PCLO: variants seen among roughly 807,000 people sequenced by gnomAD.
The protein encoded by PCLO is piccolo presynaptic cytomatrix protein.
Under a neutral mutation model 427.5 loss-of-function variants are expected in PCLO, and 82 were observed. That is an observed-to-expected ratio of 0.19 (90% CI 0.16 to 0.23). PCLO has a LOEUF of 0.23. PCLO is among the 10% of genes least tolerant of loss of function. The probability of loss-of-function intolerance (pLI) is 1.00; values close to 1 mark genes in which losing one functional copy is unlikely to be tolerated. For missense variants in PCLO, 6,239 were observed against 6,115.9 expected, an observed-to-expected ratio of 1.02 and a Z score of -0.67; for synonymous variants, 2,357 against 2,155.4, an observed-to-expected ratio of 1.09 and a Z score of -2.59.
chr7:83,018,313 T>G (rs12671387), intron 3 of PCLO, among the ~76,000 whole-genome samples: 50,126 of 151,740 alleles, frequency 0.33, 9,655 homozygotes, highest in East Asian at 0.78. Flanking sequence ...ACATACAGAA[T>G]GTCAGAATAA....
chr7:83,053,233 C>A (rs1234985156), intron 3 of PCLO, among the ~76,000 whole-genome samples: 13 of 151,848 alleles, frequency 8.6e-5, no homozygotes, highest in Non-Finnish European at 1.9e-4. Flanking sequence ...TATTTGATAC[C>A]CAGATTAGGC....
intron 6 of PCLO, among the ~76,000 whole-genome samples, chr7:82,931,235 T>C (rs1055257342): frequency 1.3e-5 from 2 of 152,148 alleles, no homozygotes; most frequent in African/African-American, 4.8e-5. Flanking sequence ...ATTAAGTAAC[T>C]TCAAGTTTGC....
At position 82,755,247 on chromosome 7, in the gene PCLO, G is replaced by C. The variant is rs552211193; in HGVS notation, c.*3328C>G. The C allele has an allele frequency of 6.6e-6, 1 of 151,884 alleles. No individual in the cohort carries two copies. The highest frequency in any genetic ancestry group is 1.5e-5 in the Non-Finnish European group (1 of 67,950). The allele number at this position is 151,884 out of a possible 1,614,324, so 9.4% of individuals were successfully genotyped here. A position where few individuals can be genotyped will look rare whatever the true frequency, so the allele number is the denominator to read the frequency against. On this transcript the variant is annotated 3_prime_UTR_variant, in exon 25 of 25. Coordinates refer to ENST00000333891, the MANE Select transcript of PCLO (RefSeq NM_033026.6). ...TTCCACTGGTATGCTGAAAATATGC[G>C]TTTAATTAGTGTAATTTATTAAAAT...
intron 6 of PCLO, among the ~76,000 whole-genome samples, chr7:82,930,840 G>A (rs181142278): frequency 1.8e-3 from 268 of 152,220 alleles, no homozygotes; most frequent in African/African-American, 6.3e-3. Context: ...GGTCTAGAAA[G>A]GTAGGAAGGT....
chr7:83,122,825 G>A (rs774613420), intron 3 of PCLO, among the ~76,000 whole-genome samples: 154 of 152,098 alleles, frequency 1.0e-3, no homozygotes, highest in Non-Finnish European at 1.7e-3. Context: ...AAAACCAGTA[G>A]CATTTCTATA....
At chr7:82,828,042 T>C (rs1356145959) in intron 16 of PCLO, 76 bp from the exon 17 acceptor site, 1 of 756,230 alleles carries the variant, frequency 1.3e-6, no homozygotes, top group African/African-American at 1.8e-5. Flanking sequence ...CTAAAGGACA[T>C]GCAGACTATT....
At chr7:83,074,552 C>A (rs1239105804) in intron 3 of PCLO, among the ~76,000 whole-genome samples, 2 of 152,042 alleles carry the variant, frequency 1.3e-5, no homozygotes, top group African/African-American at 2.4e-5. Flanking sequence ...CCACACCAGC[C>A]ATTAAAATCT....
intron 3 of PCLO, among the ~76,000 whole-genome samples, chr7:83,034,479 C>G (rs759859866): frequency 6.6e-6 from 1 of 152,132 alleles, no homozygotes; most frequent in Non-Finnish European, 1.5e-5. Context: ...AAAGCCATCA[C>G]GCCTGGTCCC....
intron 6 of PCLO, among the ~76,000 whole-genome samples, chr7:82,918,063 T>C (rs1041769425): frequency 6.6e-6 from 1 of 152,028 alleles, no homozygotes; most frequent in Non-Finnish European, 1.5e-5. Context: ...TAAAGGTTTA[T>C]TGAAGTTTAT....
At chr7:82,805,148 G>A (rs1328170588) in intron 21 of PCLO, among the ~76,000 whole-genome samples, 2 of 151,664 alleles carry the variant, frequency 1.3e-5, no homozygotes, top group Non-Finnish European at 2.9e-5. Context: ...ACCTACTCAG[G>A]GACCTATGCA....
chr7:83,076,488 C>G (rs543716053), intron 3 of PCLO, among the ~76,000 whole-genome samples: 4 of 152,234 alleles, frequency 2.6e-5, no homozygotes, highest in African/African-American at 9.6e-5. Flanking sequence ...GTCTTGAACT[C>G]CTGACCTCAG....
In PCLO at chr7:82,954,904, A is replaced by T. The variant is rs762274402; in HGVS notation, c.6049T>A (p.Leu2017Ile). 1 of 1,613,594 alleles carries T rather than the reference A, an allele frequency of 6.2e-7. No individual in the cohort carries two copies. The highest frequency in any genetic ancestry group is 1.7e-5 in the Admixed American group (1 of 59,948). The stretch of plus-strand genomic sequence containing the variant: ...GGCACAACAGAATGTAAGCTTTCTA[A>T]CTCATAAAACTCTTTCTGGAGGTCT... ...ITDLQKEFYE[L>I]ESLHSVVPQE... Residue 2017 changes from leucine (L) to isoleucine (I), a missense_variant, in exon 5 of 25, where the codon TTA becomes ATA. Physicochemically the swap from Leu to Ile is conservative, Grantham distance 5. Around this residue, in one of 5 missense-constraint regions of PCLO, gnomAD observed 4,677 missense variants for 4,468.4 expected, o/e 1.05. Coordinates refer to ENST00000333891, the MANE Select transcript of PCLO (RefSeq NM_033026.6).
chr7:83,148,020 T>C (rs10266894), intron 2 of PCLO, among the ~76,000 whole-genome samples: 4,941 of 152,292 alleles, frequency 0.032, 275 homozygotes, highest in African/African-American at 0.11. Flanking sequence ...TTTTTAGGAA[T>C]AGAAATAGCT....
intron 4 of PCLO, among the ~76,000 whole-genome samples, chr7:82,962,936 A>T (rs1388565189): frequency 6.6e-6 from 1 of 152,008 alleles, no homozygotes; most frequent in Non-Finnish European, 1.5e-5. Flanking sequence ...CATGACACAG[A>T]TATTTACTGT....
chr7:82,826,366 C>T (rs1199221585), intron 18 of PCLO, among the ~76,000 whole-genome samples: 1 of 152,050 alleles, frequency 6.6e-6, no homozygotes, highest in African/African-American at 2.4e-5. Flanking sequence ...AAGAAAATTT[C>T]ATCTTAGAAA....
intron 16 of PCLO, among the ~76,000 whole-genome samples, chr7:82,829,265 A>C (rs1792030018): frequency 6.6e-6 from 1 of 152,082 alleles, no homozygotes. Context: ...GGATCACCTG[A>C]GTTCTGGTGG....
At chr7:82,782,767 T>C (rs189421838) in intron 22 of PCLO, among the ~76,000 whole-genome samples, 122 of 152,334 alleles carry the variant, frequency 8.0e-4, no homozygotes, top group Admixed American at 1.8e-3. Flanking sequence ...AAAGTTTCCA[T>C]AATATAAATA....
At chr7:82,959,055 A>G (rs1387389404) in intron 4 of PCLO, among the ~76,000 whole-genome samples, 2 of 152,028 alleles carry the variant, frequency 1.3e-5, no homozygotes, top group Non-Finnish European at 2.9e-5. Context: ...TGTCATGTGT[A>G]TTCTTATTTT....
chr7:82,990,701 T>A (rs1006271059), intron 3 of PCLO, among the ~76,000 whole-genome samples: 1 of 152,170 alleles, frequency 6.6e-6, no homozygotes, highest in Non-Finnish European at 1.5e-5. Context: ...GCTGTTTGCA[T>A]AGTTGGTGTT....
Sources: allele counts gnomAD v4.1 joint callset (sites outside exome capture counted in the v4.1 genomes callset), GRCh38; gene constraint gnomAD v4.1.1; regional missense constraint gnomAD v4.1.1; transcripts MANE v1.5; gene names NCBI Gene and HGNC (gene_info 2026-07-23, HGNC 2026-07-21).